RASA1: variants seen among roughly 807,000 people sequenced by gnomAD.
RASA1 encodes ras GTPase-activating protein 1.
In RASA1, 25 loss-of-function variants were observed where a neutral mutation model predicts 132.2. The ratio of observed to expected loss-of-function variants is 0.19; its 90% CI spans 0.14 to 0.26. The LOEUF is 0.26. Ranked by LOEUF, RASA1 falls within the 10% of genes least tolerant of loss-of-function variation. RASA1 has a pLI of 1.00. For missense variants in RASA1, 964 were observed against 1,299.2 expected, an observed-to-expected ratio of 0.74 and a Z score of 3.97; for synonymous variants, 477 against 449.9, an observed-to-expected ratio of 1.06 and a Z score of -0.76.
rs1753641707 is a variant in RASA1 at position 87,268,020 on chromosome 5, C to T, written c.-432C>T. On this transcript the variant is annotated 5_prime_UTR_variant, in exon 1 of 25. Coordinates refer to ENST00000274376, the MANE Select transcript of RASA1 (RefSeq NM_002890.3). ...GCAGTGGCCCCAGCCTCAGCAGCGG[C>T]ACCGGCGGTGGCTGCGGTGTGGGTG... The T allele has an allele frequency of 1.0e-5, 4 of 399,570 alleles. No individual in the cohort carries two copies. Among genetic ancestry groups the T allele is most frequent in the Non-Finnish European group, 1.8e-5 (4 of 227,666 alleles). 24.8% of individuals were successfully genotyped at this position (399,570 alleles called of 1,614,324 possible).
At chr5:87,312,133 A>G (rs1456088254) in intron 1 of RASA1, among the ~76,000 whole-genome samples, 1 of 152,262 alleles carries the variant, frequency 6.6e-6, no homozygotes, top group Non-Finnish European at 1.5e-5. Flanking sequence ...TCAGTAAATG[A>G]TAGACCAGTG....
chr5:87,330,364 CT>C (rs997027846), intron 1 of RASA1, among the ~76,000 whole-genome samples: 2 of 151,910 alleles, frequency 1.3e-5, no homozygotes, highest in Admixed American at 6.6e-5. Context: ...TACAAATAAA[CT>C]TTGGTAAAGC....
At chr5:87,297,847 T>G (rs1175210217) in intron 1 of RASA1, among the ~76,000 whole-genome samples, 1 of 152,264 alleles carries the variant, frequency 6.6e-6, no homozygotes, top group South Asian at 2.1e-4. Context: ...TGTCATTTGT[T>G]GGCACTGAGT....
rs1034577010 is a variant in RASA1, at chr5:87,317,070, T to C, written c.540-14278T>C. ...GCTAATTTTTGTATTTTTAGTAGAG[T>C]TGGGGTTTTACCTTGTTGGCCAGGC... is the stretch of plus-strand genomic sequence containing the variant. On this transcript the variant is annotated intron_variant, in intron 1 of 24. Coordinates refer to ENST00000274376, the MANE Select transcript of RASA1 (RefSeq NM_002890.3). 1.1e-4 allele frequency among the ~76,000 whole-genome samples: 16 copies of C among 151,992 alleles called. No individual in the cohort carries two copies. In the East Asian group the frequency reaches 2.3e-3, roughly 22 times the overall value.
In RASA1 at chr5:87,343,272, C is replaced by T. The variant is rs368461964; in HGVS notation, c.1049+1951C>T. Among the ~76,000 whole-genome samples the T allele has an allele frequency of 7.9e-5, 12 of 152,266 alleles. No homozygotes were observed. The East Asian group carries it at 9.7e-4, about 12-fold the overall frequency. On this transcript the variant is annotated intron_variant, in intron 6 of 24. Coordinates refer to ENST00000274376, the MANE Select transcript of RASA1 (RefSeq NM_002890.3). ...AAAGTATTTCTTAAATGTTTACCGC[C>T]TTCTCAAATCTTAAATAACTACATT...
chr5:87,287,454 T>TACAC (rs759504143), intron 1 of RASA1, among the ~76,000 whole-genome samples: 9 of 144,388 alleles, frequency 6.2e-5, no homozygotes, highest in Admixed American at 2.1e-4. Context: ...ACCATATATA[T>TACAC]ACCATATATA....
At chr5:87,285,882 GTGC>G (rs916785291) in intron 1 of RASA1, among the ~76,000 whole-genome samples, 1 of 152,136 alleles carries the variant, frequency 6.6e-6, no homozygotes, top group African/African-American at 2.4e-5. Flanking sequence ...GCCTCCCAGA[GTGC>G]TGGGATTACA....
At chr5:87,346,516 A>G (rs1249923384) in intron 6 of RASA1, among the ~76,000 whole-genome samples, 156 bp from the exon 7 acceptor site, 1 of 151,962 alleles carries the variant, frequency 6.6e-6, no homozygotes, top group Non-Finnish European at 1.5e-5. Context: ...ATATGTATAT[A>G]AAATGTATTA....
intron 8 of RASA1, among the ~76,000 whole-genome samples, chr5:87,352,941 G>T (rs1247002451): frequency 6.6e-6 from 1 of 151,508 alleles, no homozygotes; most frequent in Non-Finnish European, 1.5e-5. Flanking sequence ...TCAGAATCTG[G>T]GCCATGTATT....
At chr5:87,379,370 T>C (rs568612961) in intron 18 of RASA1, among the ~76,000 whole-genome samples, 18 of 152,298 alleles carry the variant, frequency 1.2e-4, no homozygotes, top group Admixed American at 5.2e-4. Context: ...TCAGAAGGGT[T>C]ACAGGAAAAG....
intron 1 of RASA1, among the ~76,000 whole-genome samples, chr5:87,285,504 A>G (rs892017022): frequency 2.0e-5 from 3 of 152,046 alleles, no homozygotes; most frequent in African/African-American, 7.3e-5. Flanking sequence ...TGCTATGGTA[A>G]TGGCTTGTGC....
chr5:87,291,775 T>TA (rs1754919593), intron 1 of RASA1, among the ~76,000 whole-genome samples: 1 of 152,148 alleles, frequency 6.6e-6, no homozygotes, highest in Non-Finnish European at 1.5e-5. Flanking sequence ...CCACCATGAG[T>TA]AAAAGCTCCC....
intron 1 of RASA1, among the ~76,000 whole-genome samples, chr5:87,286,870 C>CAT (rs535467919): frequency 5.6e-4 from 83 of 149,080 alleles, no homozygotes; most frequent in East Asian, 2.0e-3. Context: ...ACATATACAC[C>CAT]ATATATATAT....
At chr5:87,338,536 A>ATTTTTTTTTTTTTTTT (rs1232583853) in intron 5 of RASA1, among the ~76,000 whole-genome samples, 3 of 85,222 alleles carry the variant, frequency 3.5e-5, no homozygotes, top group Admixed American at 1.3e-4. Flanking sequence ...TATATATAAA[A>ATTTTTTTTTTTTTTTT]TTTTTTTTTT....
At chr5:87,376,663 TTAG>T (rs1761348008) in intron 16 of RASA1, 98 bp downstream of exon 16, 1 of 1,424,326 alleles carries the variant, frequency 7.0e-7, no homozygotes, top group Non-Finnish European at 9.8e-7. Context: ...AATTCATAGC[TTAG>T]TAGCACAATG....
chr5:87,347,122 T>C (rs550753466), intron 7 of RASA1, among the ~76,000 whole-genome samples: 44 of 152,152 alleles, frequency 2.9e-4, no homozygotes, highest in Admixed American at 1.0e-3. Flanking sequence ...ATAAAAACTT[T>C]CATTACTCTC....
chr5:87,276,030 G>A (rs1754048402), intron 1 of RASA1, among the ~76,000 whole-genome samples: 1 of 152,048 alleles, frequency 6.6e-6, no homozygotes, highest in Non-Finnish European at 1.5e-5. Flanking sequence ...ATATGGGAGG[G>A]GACTATAAAA....
At position 87,332,488 on chromosome 5, in the gene RASA1, T is replaced by C; in HGVS notation, c.693-19T>C. On this transcript the variant is annotated intron_variant, in intron 2 of 24. Transcript: ENST00000274376. ...GCTGTAAAGATTTTTTTATACTGTA[T>C]TTTTTCCTGTTCAAATAGGATTATT... 6.3e-7 allele frequency: 1 copy of C among 1,598,042 alleles called. No individual in the cohort carries two copies. Among genetic ancestry groups the C allele is most frequent in the Non-Finnish European group, 8.6e-7 (1 of 1,167,358 alleles).
intron 20 of RASA1, 72 bp from the exon 21 acceptor site, chr5:87,383,641 A>G: frequency 1.7e-6 from 2 of 1,161,432 alleles, no homozygotes; most frequent in Admixed American, 2.3e-5. Flanking sequence ...CTGTTTATAT[A>G]TATTGTTTTA....
Sources: gnomAD v4.1 joint callset for allele counts (sites outside exome capture counted in the v4.1 genomes callset) on GRCh38, gnomAD v4.1.1 for gene constraint, MANE v1.5 for transcripts, NCBI Gene and HGNC (gene_info 2026-07-23, HGNC 2026-07-21) for gene names.